SEMA3A: variants seen among roughly 807,000 people sequenced by gnomAD.
SEMA3A encodes semaphorin 3A, also known as semaphorin-3A.
SEMA3A carries 29 observed loss-of-function variants against 97.9 expected under a neutral mutation model. That is an observed-to-expected ratio of 0.30 (90% CI 0.22 to 0.40). The LOEUF (loss-of-function observed/expected upper bound fraction) is 0.40, where lower values mean the gene tolerates loss of function less well. Ranked by LOEUF, SEMA3A falls within the 10% of genes least tolerant of loss-of-function variation. SEMA3A has a pLI of 1.00. For synonymous variants in SEMA3A, 321 were observed against 323.7 expected (o/e 0.99, Z 0.09); for missense variants, 763 against 951.3 (o/e 0.80, Z 2.60).
intron 2 of SEMA3A, among the ~76,000 whole-genome samples, chr7:84,324,069 C>A (rs572604981): frequency 6.6e-6 from 1 of 152,080 alleles, no homozygotes. Flanking sequence ...AATGTCAAAA[C>A]GTGTAAATAA....
At chr7:84,313,531 G>A (rs1801417982) in intron 2 of SEMA3A, among the ~76,000 whole-genome samples, 1 of 150,366 alleles carries the variant, frequency 6.7e-6, no homozygotes, top group Non-Finnish European at 1.5e-5. Context: ...TTGCAGTATA[G>A]TTTTATTATT....
At chr7:84,408,346 T>A (rs930488838) in intron 1 of SEMA3A, among the ~76,000 whole-genome samples, 2 of 151,812 alleles carry the variant, frequency 1.3e-5, no homozygotes, top group East Asian at 3.9e-4. Flanking sequence ...CAATGAGATA[T>A]CATCTCACAC....
chr7:84,428,912 T>G (rs1336981541), intron 1 of SEMA3A, among the ~76,000 whole-genome samples: 2 of 152,100 alleles, frequency 1.3e-5, no homozygotes, highest in African/African-American at 4.8e-5. Context: ...GTTCTCATCT[T>G]TATTCCATGG....
chr7:84,024,054 A>C (rs1791444969), intron 6 of SEMA3A, among the ~76,000 whole-genome samples: 1 of 151,896 alleles, frequency 6.6e-6, no homozygotes, highest in Admixed American at 6.6e-5. Flanking sequence ...ATATACATAC[A>C]CATTCTTTTC....
intron 4 of SEMA3A, 90 bp from the exon 5 acceptor site, chr7:84,060,648 G>A: frequency 2.6e-6 from 2 of 754,914 alleles, no homozygotes; most frequent in Non-Finnish European, 4.1e-6. Flanking sequence ...GAGATGTCAA[G>A]TATTCATGTC....
intron 4 of SEMA3A, among the ~76,000 whole-genome samples, chr7:84,082,478 TATAATC>T (rs2115806525): frequency 6.6e-6 from 1 of 152,242 alleles, no homozygotes; most frequent in Admixed American, 6.5e-5. Context: ...CTTCTAATAT[TATAATC>T]ATAACTCCAG....
At chr7:84,401,028 G>A (rs940376138) in intron 1 of SEMA3A, among the ~76,000 whole-genome samples, 4 of 147,268 alleles carry the variant, frequency 2.7e-5, no homozygotes, top group African/African-American at 7.9e-5. Flanking sequence ...AAGAGCAATT[G>A]GACAAGAGAA....
At chr7:84,421,398 G>T (rs1175816618) in intron 1 of SEMA3A, among the ~76,000 whole-genome samples, 1 of 151,864 alleles carries the variant, frequency 6.6e-6, no homozygotes, top group South Asian at 2.1e-4. Flanking sequence ...TTAAGCAAAG[G>T]GACACTAGAC....
At chr7:84,333,386 C>T (rs1381567780) in intron 2 of SEMA3A, among the ~76,000 whole-genome samples, 1 of 152,092 alleles carries the variant, frequency 6.6e-6, no homozygotes, top group Non-Finnish European at 1.5e-5. Context: ...TTTTCTACAA[C>T]ACTGACTCTA....
chr7:84,258,216 G>A (rs1055234793), intron 3 of SEMA3A, among the ~76,000 whole-genome samples: 1 of 152,144 alleles, frequency 6.6e-6, no homozygotes, highest in African/African-American at 2.4e-5. Context: ...TCAACGGGTA[G>A]AGGAGATATG....
intron 11 of SEMA3A, among the ~76,000 whole-genome samples, chr7:84,002,912 A>C (rs971123926): frequency 6.6e-6 from 1 of 152,128 alleles, no homozygotes; most frequent in Admixed American, 6.5e-5. Context: ...AAAGTTATTA[A>C]TTTTCCAGTA....
chr7:84,452,330 C>T (rs368898341), intron 1 of SEMA3A, among the ~76,000 whole-genome samples: 10 of 152,190 alleles, frequency 6.6e-5, no homozygotes, highest in African/African-American at 2.2e-4. Context: ...GGATGAGTGA[C>T]GTGCCATAAG....
chr7:84,450,339 T>C (rs1032983813), intron 1 of SEMA3A, among the ~76,000 whole-genome samples: 6 of 152,116 alleles, frequency 3.9e-5, no homozygotes, highest in African/African-American at 1.4e-4. Flanking sequence ...GTGCAATTCT[T>C]GGGCAGAATA....
chr7:84,140,136 A>T (rs1796254970), intron 1 of SEMA3A, among the ~76,000 whole-genome samples: 1 of 152,110 alleles, frequency 6.6e-6, no homozygotes, highest in Non-Finnish European at 1.5e-5. Context: ...CACCAAAATC[A>T]TGCACGAGGA....
intron 3 of SEMA3A, among the ~76,000 whole-genome samples, chr7:84,122,236 G>A (rs1450592363): frequency 2.6e-5 from 4 of 151,626 alleles, no homozygotes; most frequent in African/African-American, 9.7e-5. Context: ...CAAGAAAAAA[G>A]TCAAACAACC....
At chr7:83,993,466 T>A (rs1489777910) in intron 12 of SEMA3A, among the ~76,000 whole-genome samples, 3 of 151,534 alleles carry the variant, frequency 2.0e-5, no homozygotes, top group Non-Finnish European at 4.4e-5. Context: ...GTTTTTCCTT[T>A]CCATGTTTAG....
intron 12 of SEMA3A, among the ~76,000 whole-genome samples, chr7:83,995,024 CGTT>C (rs1428401967): frequency 6.6e-6 from 1 of 152,120 alleles, no homozygotes; most frequent in African/African-American, 2.4e-5. Context: ...CTTGGTGCGC[CGTT>C]TTTTAAGCCC....
At chr7:84,010,425 C>T (rs1790832542) in intron 9 of SEMA3A, among the ~76,000 whole-genome samples, 1 of 152,068 alleles carries the variant, frequency 6.6e-6, no homozygotes, top group South Asian at 2.1e-4. Context: ...AAAAGTGTAG[C>T]AAATATCCCA....
intron 2 of SEMA3A, among the ~76,000 whole-genome samples, chr7:84,341,753 T>G (rs1451137928): frequency 6.6e-6 from 1 of 152,114 alleles, no homozygotes; most frequent in Non-Finnish European, 1.5e-5. Flanking sequence ...CACTGCTTTC[T>G]GTTAAAGTGA....
Sources: allele counts gnomAD v4.1 joint callset (sites outside exome capture counted in the v4.1 genomes callset), GRCh38; gene constraint gnomAD v4.1.1; transcripts MANE v1.5; gene names NCBI Gene and HGNC (gene_info 2026-07-23, HGNC 2026-07-21).